C1QTNF7: variants seen among roughly 807,000 people sequenced by gnomAD.
C1QTNF7 encodes the protein complement C1q tumor necrosis factor-related protein 7.
Under a neutral mutation model 19.6 loss-of-function variants are expected in C1QTNF7, and 15 were observed. The ratio of observed to expected loss-of-function variants is 0.76; its 90% CI spans 0.51 to 1.18. The LOEUF (loss-of-function observed/expected upper bound fraction) is 1.18, where lower values mean the gene tolerates loss of function less well. Ranked by LOEUF, C1QTNF7 falls within the 50% of genes most tolerant of loss-of-function variation. The pLI is 0.00. For missense variants in C1QTNF7, 324 were observed against 359.7 expected (o/e 0.90, Z 0.80); for synonymous variants, 142 against 137.5 (o/e 1.03, Z -0.23).
chr4:15,414,087 G>A (rs1038656021), intron 1 of C1QTNF7, among the ~76,000 whole-genome samples: 3 of 152,070 alleles, frequency 2.0e-5, no homozygotes, highest in African/African-American at 4.8e-5. Context: ...ACTTTGTGTC[G>A]ATTTATGTCT....
chr4:15,343,911 C>A (rs1054585711), intron 1 of C1QTNF7, among the ~76,000 whole-genome samples: 1 of 152,212 alleles, frequency 6.6e-6, no homozygotes, highest in African/African-American at 2.4e-5. Context: ...AATTAAGTAA[C>A]CTGCCTGCAG....
intron 1 of C1QTNF7, among the ~76,000 whole-genome samples, chr4:15,360,889 T>G (rs1049667698): frequency 6.6e-6 from 1 of 152,184 alleles, no homozygotes; most frequent in African/African-American, 2.4e-5. Flanking sequence ...GCATCTGTAC[T>G]TAAACTCACC....
chr4:15,340,852 T>C (rs1447827494), intron 1 of C1QTNF7, among the ~76,000 whole-genome samples: 1 of 152,196 alleles, frequency 6.6e-6, no homozygotes, highest in Non-Finnish European at 1.5e-5. Context: ...GTTATCTAAA[T>C]AGGGTGACTT....
intron 1 of C1QTNF7, among the ~76,000 whole-genome samples, chr4:15,392,348 G>C (rs749756562): frequency 4.6e-5 from 7 of 152,204 alleles, no homozygotes; most frequent in Admixed American, 6.5e-5. Context: ...AGCCTTCTCA[G>C]TGGATACAGC....
intron 1 of C1QTNF7, among the ~76,000 whole-genome samples, chr4:15,385,694 T>G (rs1718307650): frequency 6.6e-6 from 1 of 152,182 alleles, no homozygotes; most frequent in Non-Finnish European, 1.5e-5. Context: ...GAAAGTCCAC[T>G]CCGATTGCTA....
chr4:15,442,109 A>G, intron 2 of C1QTNF7, 59 bp from the exon 3 acceptor site: 1 of 1,519,346 alleles, frequency 6.6e-7, no homozygotes, highest in Non-Finnish European at 8.8e-7. Context: ...ATGTAGGTAT[A>G]TTGTTTGTGA....
intron 1 of C1QTNF7, among the ~76,000 whole-genome samples, chr4:15,432,779 T>C (rs1560369339): frequency 6.6e-6 from 1 of 152,244 alleles, no homozygotes; most frequent in Non-Finnish European, 1.5e-5. Flanking sequence ...GCTTGAAGCA[T>C]TTAGACTCCT....
chr4:15,355,294 A>G (rs1717094536), intron 1 of C1QTNF7, among the ~76,000 whole-genome samples: 1 of 152,176 alleles, frequency 6.6e-6, no homozygotes, highest in South Asian at 2.1e-4. Context: ...CATGTGACTC[A>G]CACGAAGAGA....
upstream of C1QTNF7, among the ~76,000 whole-genome samples, chr4:15,423,797 T>C (rs922359022): frequency 2.0e-5 from 3 of 152,228 alleles, no homozygotes; most frequent in African/African-American, 7.2e-5. Flanking sequence ...TTTCCTGCCC[T>C]TCTGCCAGGT....
intron 1 of C1QTNF7, among the ~76,000 whole-genome samples, chr4:15,340,553 G>A (rs1716503623): frequency 6.6e-6 from 1 of 152,052 alleles, no homozygotes; most frequent in Admixed American, 6.6e-5. Flanking sequence ...GCTTATCTAT[G>A]TTTTCTTATC....
At chr4:15,424,018 AT>A (rs1711922635), upstream of C1QTNF7, among the ~76,000 whole-genome samples, 1 of 152,228 alleles carries the variant, frequency 6.6e-6, no homozygotes, top group African/African-American at 2.4e-5. Flanking sequence ...TGAATAAAAA[AT>A]AACCTCATTT....
At chr4:15,349,865 G>A (rs189544948) in intron 1 of C1QTNF7, among the ~76,000 whole-genome samples, 3 of 152,200 alleles carry the variant, frequency 2.0e-5, no homozygotes, top group East Asian at 1.9e-4. Flanking sequence ...TAAAGAATAC[G>A]AGTCTCATAA....
intron 2 of C1QTNF7, among the ~76,000 whole-genome samples, chr4:15,441,465 G>A (rs764354118): frequency 5.9e-5 from 9 of 152,160 alleles, no homozygotes; most frequent in Non-Finnish European, 1.3e-4. Flanking sequence ...GAAATAGAAT[G>A]AAGCCTCTAG....
intron 1 of C1QTNF7, among the ~76,000 whole-genome samples, chr4:15,370,108 A>G (rs927974734): frequency 5.3e-5 from 8 of 152,156 alleles, no homozygotes; most frequent in African/African-American, 1.9e-4. Flanking sequence ...TTTTAATTCT[A>G]TGATTATTAT....
In C1QTNF7 at chr4:15,412,695, T is replaced by A. The variant is rs564831815; in HGVS notation, c.14-23041T>A. 2.0e-5 allele frequency among the ~76,000 whole-genome samples: 3 copies of A among 152,286 alleles called. No individual in the cohort carries two copies. In the South Asian group the frequency reaches 6.2e-4, roughly 32 times the overall value. On this transcript the variant is annotated intron_variant, in intron 1 of 2. Transcript: ENST00000295297. ...GTGCTTGGGATGAGAACTAGACATCTCTGGGAGGCTATTGCGCAGCTCACC... is the reference window on the plus strand; with the variant it reads ...GTGCTTGGGATGAGAACTAGACATCACTGGGAGGCTATTGCGCAGCTCACC...
At chr4:15,341,261 T>A (rs891437728) in intron 1 of C1QTNF7, among the ~76,000 whole-genome samples, 1 of 152,202 alleles carries the variant, frequency 6.6e-6, no homozygotes, top group Non-Finnish European at 1.5e-5. Flanking sequence ...TACAGAAACA[T>A]TAGCAAGGCG....
At chr4:15,408,927 G>A (rs1719302493) in intron 1 of C1QTNF7, among the ~76,000 whole-genome samples, 5 of 152,140 alleles carry the variant, frequency 3.3e-5, no homozygotes. Context: ...CTCCAGAACT[G>A]TGGGAAATAA....
At chr4:15,383,102 A>G (rs906906558) in intron 1 of C1QTNF7, among the ~76,000 whole-genome samples, 1 of 152,110 alleles carries the variant, frequency 6.6e-6, no homozygotes, top group Non-Finnish European at 1.5e-5. Context: ...AACTTCACCT[A>G]AGCCTTTCTT....
chr4:15,419,688 T>C (rs981777345), intron 1 of C1QTNF7, among the ~76,000 whole-genome samples: 4 of 152,186 alleles, frequency 2.6e-5, no homozygotes, highest in Admixed American at 2.6e-4. Context: ...ATACAAATAG[T>C]TCCATAGGAC....
Sources: allele counts gnomAD v4.1 joint callset (sites outside exome capture counted in the v4.1 genomes callset), GRCh38; gene constraint gnomAD v4.1.1; transcripts MANE v1.5; gene names NCBI Gene and HGNC (gene_info 2026-07-23, HGNC 2026-07-21).